Variants in GAS6 observed in about 807,000 individuals in gnomAD.
GAS6 encodes growth arrest-specific protein 6.
GAS6 carries 41 observed loss-of-function variants against 75.8 expected under a neutral mutation model. That is an observed-to-expected ratio of 0.54 (90% confidence interval 0.42 to 0.70). GAS6 has a LOEUF of 0.70. Ranked by LOEUF, GAS6 falls within the 30% of genes least tolerant of loss-of-function variation. GAS6 has a pLI of 0.00. For synonymous variants in GAS6, 432 were observed against 412.6 expected (o/e 1.05, Z -0.57); for missense variants, 854 against 940.2 (o/e 0.91, Z 1.20).
At chr13:113,854,687 G>C (rs1465057221) in intron 2 of GAS6, among the ~76,000 whole-genome samples, 1 of 152,276 alleles carries the variant, frequency 6.6e-6, no homozygotes, top group Admixed American at 6.5e-5. Context: ...GCCCCACCGA[G>C]GGCTGCCTGC....
intron 4 of GAS6, chr13:113,842,541 C>A: frequency 2.5e-6 from 1 of 396,750 alleles, no homozygotes; most frequent in South Asian, 1.3e-4. Context: ...TCGATGTGGT[C>A]ATAGCAGGGC....
chr13:113,822,221 G>A (rs759562748), intron 13 of GAS6, 35 bp from the exon 14 acceptor site: 47 of 1,466,896 alleles, frequency 3.2e-5, no homozygotes, highest in Non-Finnish European at 4.1e-5. Context: ...GGGCCTGCCG[G>A]CCACCCCTAC....
chr13:113,863,487 G>T lies in GAS6; in HGVS notation c.255+88C>A, dbSNP rs1594213163. ...GGCCAGGCCTCGCCGCGCGGAGCTG[G>T]GGGGCGGCAGCAGCGCTGCCTCTCG... On this transcript the variant is annotated intron_variant, in intron 2 of 14. Coordinates refer to ENST00000327773, the MANE Select transcript of GAS6 (RefSeq NM_000820.4). The surrounding 1 kb of genome is among the most constrained non-coding windows in gnomAD (Gnocchi z 9.4). 7.6e-7 allele frequency: 1 copy of T among 1,317,218 alleles called. No individual in the cohort carries two copies. Among genetic ancestry groups the T allele is most frequent in the Non-Finnish European group, 9.9e-7 (1 of 1,013,924 alleles). The allele number at this position is 1,317,218 out of a possible 1,614,324, so 81.6% of individuals were successfully genotyped here.
chr13:113,829,133 T>A (rs113033690), intron 10 of GAS6, among the ~76,000 whole-genome samples: 9 of 85,680 alleles, frequency 1.1e-4, no homozygotes, highest in South Asian at 9.6e-4. Context: ...GCCAAGAGGG[T>A]CCCGACCTCA....
chr13:113,849,249 T>G (rs2051856381), intron 2 of GAS6, among the ~76,000 whole-genome samples: 1 of 152,094 alleles, frequency 6.6e-6, no homozygotes, highest in African/African-American at 2.4e-5. Flanking sequence ...ACGTGTCTGT[T>G]GGGAGGGCGG....
intron 2 of GAS6, among the ~76,000 whole-genome samples, chr13:113,859,070 CTA>C (rs1428426772): frequency 3.4e-5 from 5 of 147,306 alleles, no homozygotes; most frequent in East Asian, 2.0e-4. Flanking sequence ...GTACGTATGT[CTA>C]TGTGAATGTG....
chr13:113,857,989 G>A (rs1441051094), intron 2 of GAS6, among the ~76,000 whole-genome samples: 1 of 152,262 alleles, frequency 6.6e-6, no homozygotes, highest in East Asian at 1.9e-4. Flanking sequence ...GGGTCCACCT[G>A]CAGGCCTCAG....
chr13:113,837,062 C>T lies in GAS6; in HGVS notation c.589+1007G>A, dbSNP rs906615120. ...TGCTTTAGACGTCATCTCTCAGGAT[C>T]GGCCTAGTCTTCACCTCTCTTTAAA... On this transcript the variant is annotated intron_variant, in intron 6 of 14. Transcript: ENST00000327773. The surrounding 1 kb of genome is among the most constrained non-coding windows in gnomAD (Gnocchi z 5.1). 6.6e-6 allele frequency among the ~76,000 whole-genome samples: 1 copy of T among 151,790 alleles called. No homozygotes were observed. The highest frequency in any genetic ancestry group is 1.5e-5 in the Non-Finnish European group (1 of 67,924).
chr13:113,832,222 G>A, intron 10 of GAS6, 77 bp downstream of exon 10: 1 of 1,471,090 alleles, frequency 6.8e-7, no homozygotes, highest in Non-Finnish European at 9.2e-7. Flanking sequence ...CCTAACGGTT[G>A]CATAAGCGAG....
chr13:113,820,772 C>T lies in GAS6; in HGVS notation c.*92G>A. On this transcript the variant is annotated 3_prime_UTR_variant, in exon 15 of 15. Transcript: ENST00000327773. ...GGGATGGTCACAGAGGAAAGCCCAG[C>T]TCTCAGCATGGCCCCACGTGGTGAG... 1.4e-6 allele frequency: 2 copies of T among 1,386,708 alleles called. No homozygotes were observed. The highest frequency in any genetic ancestry group is 2.5e-5 in the East Asian group (1 of 40,194). 85.9% of individuals were successfully genotyped at this position (1,386,708 alleles called of 1,614,324 possible). A position where few individuals can be genotyped will look rare whatever the true frequency, so the allele number is the denominator to read the frequency against.
At position 113,820,736 on chromosome 13, in the gene GAS6, T is replaced by C. The variant is rs1348674913; in HGVS notation, c.*128A>G. On this transcript the variant is annotated 3_prime_UTR_variant, in exon 15 of 15. Coordinates refer to ENST00000327773, the MANE Select transcript of GAS6 (RefSeq NM_000820.4). ...AAGTCCATCTCACTATTTACAGATA[T>C]GTTACAGGCCGGGATGGTCACAGAG... The C allele has an allele frequency of 2.8e-6, 3 of 1,089,430 alleles. No individual in the cohort carries two copies. Among genetic ancestry groups the C allele is most frequent in the African/African-American group, 3.2e-5 (2 of 62,950 alleles). The allele number at this position is 1,089,430 out of a possible 1,614,324, so 67.5% of individuals were successfully genotyped here.
intron 8 of GAS6, 125 bp downstream of exon 8, chr13:113,834,426 G>A (rs1265467723): frequency 2.0e-6 from 2 of 1,016,434 alleles, no homozygotes; most frequent in Non-Finnish European, 2.7e-6. Flanking sequence ...CCTCCACATG[G>A]CCCTGGAGAT....
intron 2 of GAS6, among the ~76,000 whole-genome samples, chr13:113,857,326 C>T (rs2051922929): frequency 6.6e-6 from 1 of 152,112 alleles, no homozygotes; most frequent in South Asian, 2.1e-4. Flanking sequence ...CTGTTCTTAA[C>T]TTATTCCACT....
intron 2 of GAS6, among the ~76,000 whole-genome samples, chr13:113,858,040 C>A (rs1366136638): frequency 1.3e-5 from 2 of 152,222 alleles, no homozygotes; most frequent in African/African-American, 4.8e-5. Flanking sequence ...AGGGCTCCGG[C>A]CCCTCAGGCA....
At chr13:113,825,426 G>A (rs948364927) in intron 12 of GAS6, among the ~76,000 whole-genome samples, 1 of 152,078 alleles carries the variant, frequency 6.6e-6, no homozygotes, top group Non-Finnish European at 1.5e-5. Context: ...GCTGCAGAGT[G>A]AGCCAGGCCA....
intron 3 of GAS6, chr13:113,847,121 T>C: frequency 2.7e-6 from 1 of 368,120 alleles, no homozygotes; most frequent in Non-Finnish European, 5.5e-6. Flanking sequence ...TGCAGAACGG[T>C]GCGGGGCCTC....
At chr13:113,825,020 A>C (rs150412164) in intron 12 of GAS6, among the ~76,000 whole-genome samples, 2,446 of 152,080 alleles carry the variant, frequency 0.016, 66 homozygotes, top group African/African-American at 0.057. Context: ...GGAGTTCGAG[A>C]CCAACCTGAC....
chr13:113,824,447 T>C (rs148698972), intron 12 of GAS6, among the ~76,000 whole-genome samples: 43 of 150,822 alleles, frequency 2.9e-4, no homozygotes, highest in Admixed American at 2.0e-4. Flanking sequence ...GTCGGGAACA[T>C]GTGTGGTCTC....
intron 2 of GAS6, among the ~76,000 whole-genome samples, chr13:113,856,145 T>G (rs1434830773): frequency 6.6e-6 from 1 of 152,186 alleles, no homozygotes; most frequent in Non-Finnish European, 1.5e-5. Context: ...ACGAGACTAA[T>G]GCTCCGAGCC....
Sources: allele counts gnomAD v4.1 joint callset (sites outside exome capture counted in the v4.1 genomes callset), GRCh38; gene constraint gnomAD v4.1.1; non-coding constraint Gnocchi (gnomAD v3.1); transcripts MANE v1.5; gene names NCBI Gene and HGNC (gene_info 2026-07-23, HGNC 2026-07-21).